The following PELI2 variants were observed in gnomAD, a reference collection of about 807,000 sequenced individuals.
The protein encoded by PELI2 is pellino E3 ubiquitin protein ligase family member 2.
Under a neutral mutation model 42.3 loss-of-function variants are expected in PELI2, and 23 were observed. That is an observed-to-expected ratio of 0.54 (90% CI 0.39 to 0.77). The LOEUF is 0.77. Among genes scored for constraint, PELI2 ranks in the 30% least tolerant of loss-of-function variants. The probability of loss-of-function intolerance (pLI) is 0.00; values close to 1 mark genes in which losing one functional copy is unlikely to be tolerated. For missense variants in PELI2, 463 were observed against 553.2 expected (o/e 0.84, Z 1.64); for synonymous variants, 245 against 212.2 (o/e 1.15, Z -1.34).
At chr14:56,124,306 C>G (rs981071664) in intron 1 of PELI2, among the ~76,000 whole-genome samples, 1 of 151,820 alleles carries the variant, frequency 6.6e-6, no homozygotes, top group Non-Finnish European at 1.5e-5. Flanking sequence ...TCAAATGATT[C>G]AGATATGTCA....
intron 1 of PELI2, among the ~76,000 whole-genome samples, chr14:56,167,297 A>G (rs927632291): frequency 6.6e-5 from 10 of 152,128 alleles, no homozygotes; most frequent in African/African-American, 2.2e-4. Context: ...TTTAAGACCA[A>G]TAATTCTTAG....
intron 2 of PELI2, 99 bp downstream of exon 2, chr14:56,178,563 A>ACAGT (rs1885468810): frequency 7.5e-7 from 1 of 1,337,684 alleles, no homozygotes; most frequent in African/African-American, 1.4e-5. Context: ...TTCATGTAGG[A>ACAGT]CAGTCTCTCA....
intron 2 of PELI2, among the ~76,000 whole-genome samples, chr14:56,279,455 A>G (rs1010216230): frequency 6.6e-6 from 1 of 152,178 alleles, no homozygotes; most frequent in Admixed American, 6.5e-5. Flanking sequence ...GATTTAATAA[A>G]ATATTGTTCA....
At chr14:56,149,502 T>C (rs1243607707) in intron 1 of PELI2, among the ~76,000 whole-genome samples, 2 of 152,228 alleles carry the variant, frequency 1.3e-5, no homozygotes, top group Non-Finnish European at 2.9e-5. Context: ...AAGAAAATGC[T>C]ATGAGAAAAG....
chr14:56,118,801 G>T, intron 1 of PELI2, 64 bp downstream of exon 1: 1 of 1,154,744 alleles, frequency 8.7e-7, no homozygotes, highest in Non-Finnish European at 1.2e-6. Flanking sequence ...ATCCTGGAGC[G>T]GGGCTGGCGG....
intron 2 of PELI2, among the ~76,000 whole-genome samples, chr14:56,253,862 A>G (rs892837236): frequency 6.6e-6 from 1 of 152,194 alleles, no homozygotes; most frequent in Admixed American, 6.5e-5. Context: ...TTCATATGGA[A>G]CAAAAAAAGA....
intron 2 of PELI2, among the ~76,000 whole-genome samples, chr14:56,198,945 A>G (rs1253060274): frequency 6.6e-6 from 1 of 152,132 alleles, no homozygotes; most frequent in East Asian, 1.9e-4. Flanking sequence ...GTCTGTAATT[A>G]TATCACCTTG....
At chr14:56,269,381 T>C (rs1244545331) in intron 2 of PELI2, among the ~76,000 whole-genome samples, 1 of 152,012 alleles carries the variant, frequency 6.6e-6, no homozygotes, top group African/African-American at 2.4e-5. Flanking sequence ...AGATTGAGGC[T>C]GCAATGAGCT....
At chr14:56,265,666 G>C (rs146182540) in intron 2 of PELI2, among the ~76,000 whole-genome samples, 1 of 152,058 alleles carries the variant, frequency 6.6e-6, no homozygotes, top group African/African-American at 2.4e-5. Context: ...CAAAGACAAG[G>C]TACACAGACG....
chr14:56,171,343 T>G (rs1885161579), intron 1 of PELI2, among the ~76,000 whole-genome samples: 1 of 152,182 alleles, frequency 6.6e-6, no homozygotes, highest in African/African-American at 2.4e-5. Flanking sequence ...TCTCTTACCC[T>G]TCCACCATGG....
At chr14:56,280,326 T>G (rs1219229546) in intron 3 of PELI2, among the ~76,000 whole-genome samples, 6 of 152,090 alleles carry the variant, frequency 3.9e-5, no homozygotes, top group Admixed American at 1.3e-4. Context: ...CAGGATGGGT[T>G]TGGGCATAGT....
chr14:56,163,104 G>A (rs779608066), intron 1 of PELI2, among the ~76,000 whole-genome samples: 33 of 152,042 alleles, frequency 2.2e-4, no homozygotes, highest in Non-Finnish European at 4.4e-4. Context: ...GACAAATGGC[G>A]CTTTGGTTGC....
chr14:56,171,895 C>G (rs945359762), intron 1 of PELI2, among the ~76,000 whole-genome samples: 3 of 151,880 alleles, frequency 2.0e-5, no homozygotes, highest in Non-Finnish European at 4.4e-5. Flanking sequence ...GTGCACCTGT[C>G]GTCCCTGTTA....
At chr14:56,171,133 T>C (rs1885153196) in intron 1 of PELI2, among the ~76,000 whole-genome samples, 1 of 152,160 alleles carries the variant, frequency 6.6e-6, no homozygotes, top group Non-Finnish European at 1.5e-5. Flanking sequence ...CAAAAGATGG[T>C]TGCTATGGTT....
At chr14:56,211,422 C>A (rs182715407) in intron 2 of PELI2, among the ~76,000 whole-genome samples, 4 of 152,222 alleles carry the variant, frequency 2.6e-5, no homozygotes, top group African/African-American at 4.8e-5. Context: ...CACTCCCCTC[C>A]CCCATCATGT....
In PELI2 at chr14:56,173,970, C is replaced by T. The variant is rs575503600; in HGVS notation, c.78-4365C>T. On this transcript the variant is annotated intron_variant, in intron 1 of 5. Transcript: ENST00000267460. ...AGGCTGGAGTACAGTGGTACGATCT[C>T]GGCCCACTGAAACCTCTGCTTCCTG... 8.3e-4 allele frequency among the ~76,000 whole-genome samples: 126 copies of T among 152,094 alleles called. 1 individual carries two copies. The South Asian group carries it at 0.02, about 24-fold the overall frequency.
At chr14:56,202,335 C>CT (rs11385892) in intron 2 of PELI2, among the ~76,000 whole-genome samples, 61,224 of 151,904 alleles carry the variant, frequency 0.4, 13,052 homozygotes, top group South Asian at 0.53. Context: ...TTAAGAGTTG[C>CT]TTTTTTTCCT....
At chr14:56,153,984 CAATG>C (rs1449114865) in intron 1 of PELI2, among the ~76,000 whole-genome samples, 1 of 152,072 alleles carries the variant, frequency 6.6e-6, no homozygotes, top group East Asian at 1.9e-4. Flanking sequence ...GAAATTAAAA[CAATG>C]AAGACAACTT....
In PELI2 at chr14:56,298,492, G is replaced by C. The variant is rs1890082211; in HGVS notation, c.*1326G>C. The C allele has an allele frequency of 1.3e-5, 2 of 152,620 alleles. No homozygotes were observed. Among genetic ancestry groups the C allele is most frequent in the Non-Finnish European group, 2.9e-5 (2 of 68,032 alleles). The allele number at this position is 152,620 out of a possible 1,614,324, so 9.5% of individuals were successfully genotyped here. ...TAGGACATGAGACTGGTAGAAGCTGGCTGAGATAAAATAAGTATTTATTTA... is the reference window on the plus strand; with the variant it reads ...TAGGACATGAGACTGGTAGAAGCTGCCTGAGATAAAATAAGTATTTATTTA... On this transcript the variant is annotated 3_prime_UTR_variant, in exon 6 of 6. Transcript: ENST00000267460.
Sources: allele counts gnomAD v4.1 joint callset (sites outside exome capture counted in the v4.1 genomes callset), GRCh38; gene constraint gnomAD v4.1.1; transcripts MANE v1.5; gene names NCBI Gene and HGNC (gene_info 2026-07-23, HGNC 2026-07-21).